Variants in MRC1 observed in about 807,000 individuals in gnomAD.
MRC1 encodes the protein mannose receptor C-type 1, also known as macrophage mannose receptor 1.
In MRC1, 62 loss-of-function variants were observed where a neutral mutation model predicts 102.9. That is an observed-to-expected ratio of 0.60 (90% CI 0.49 to 0.74). The LOEUF (loss-of-function observed/expected upper bound fraction) is 0.74. MRC1 is among the 30% of genes least tolerant of loss of function. The probability of loss-of-function intolerance (pLI) is 0.00; values close to 1 mark genes in which losing one functional copy is unlikely to be tolerated. For synonymous variants in MRC1, 457 were observed against 298.4 expected (o/e 1.53, Z -5.48); for missense variants, 1,237 against 862.8 (o/e 1.43, Z -5.43).
At chr10:17,830,654 G>C (rs4748422) in intron 3 of MRC1, among the ~76,000 whole-genome samples, 12,088 of 151,242 alleles carry the variant, frequency 0.08, 665 homozygotes, top group Non-Finnish European at 0.11. Context: ...TTAGCTTCCA[G>C]CATCAGTTGT....
chr10:17,853,571 T>A (rs1301500591), intron 8 of MRC1, among the ~76,000 whole-genome samples: 1 of 122,812 alleles, frequency 8.1e-6, no homozygotes, highest in African/African-American at 3.5e-5. Flanking sequence ...GATATATATG[T>A]ATGTGTGTGT....
At chr10:17,898,415 C>G (rs1414908184) in intron 24 of MRC1, 149 bp downstream of exon 24, 1 of 729,046 alleles carries the variant, frequency 1.4e-6, no homozygotes, top group Non-Finnish European at 2.6e-6. Flanking sequence ...AAGATCCAAT[C>G]TTTCAGGGAC....
intron 3 of MRC1, among the ~76,000 whole-genome samples, chr10:17,830,958 G>A (rs1360797728): frequency 2.7e-5 from 4 of 150,398 alleles, no homozygotes; most frequent in South Asian, 2.1e-4. Flanking sequence ...GCATGATCTC[G>A]GCTCACTGCA....
chr10:17,894,613 G>T (rs1314468668), intron 23 of MRC1, among the ~76,000 whole-genome samples: 2 of 151,828 alleles, frequency 1.3e-5, no homozygotes, highest in African/African-American at 4.8e-5. Context: ...TGCCCAGGCT[G>T]GTCTTGAACT....
intron 1 of MRC1, among the ~76,000 whole-genome samples, chr10:17,811,689 A>G (rs553673834): frequency 1.3e-5 from 2 of 151,790 alleles, no homozygotes; most frequent in Admixed American, 6.6e-5. Flanking sequence ...CCCACTCCCA[A>G]CTCCCCAGTA....
intron 4 of MRC1, among the ~76,000 whole-genome samples, chr10:17,835,363 C>G (rs1838647078): frequency 6.6e-6 from 1 of 152,132 alleles, no homozygotes. Flanking sequence ...ATATCTTGTA[C>G]CCATGTGCCA....
At chr10:17,844,500 G>A (rs569502371) in intron 5 of MRC1, among the ~76,000 whole-genome samples, 1 of 152,268 alleles carries the variant, frequency 6.6e-6, no homozygotes, top group African/African-American at 2.4e-5. Context: ...GATTACAGGC[G>A]TGAGCCACCG....
rs985621324 is a variant in MRC1, at chr10:17,832,177, T to C, written c.638-1498T>C. ...TCTTATGCTTCCAGAAAGACCAAAC[T>C]AGAATGTGCAGGCAAAGGCAAAATA... On this transcript the variant is annotated intron_variant, in intron 3 of 29. Transcript: ENST00000569591. 9.2e-5 allele frequency among the ~76,000 whole-genome samples: 14 copies of C among 151,646 alleles called. 1 individual carries two copies. Among genetic ancestry groups the C allele is most frequent in the African/African-American group, 3.4e-4 (14 of 40,926 alleles).
intron 18 of MRC1, among the ~76,000 whole-genome samples, chr10:17,878,487 A>G (rs1833467790): frequency 6.6e-6 from 1 of 152,176 alleles, no homozygotes. Flanking sequence ...CTGTAGGGAC[A>G]TGAGAAAATG....
intron 1 of MRC1, among the ~76,000 whole-genome samples, chr10:17,812,309 A>G (rs2130568092): frequency 6.6e-6 from 1 of 152,252 alleles, no homozygotes; most frequent in Non-Finnish European, 1.5e-5. Flanking sequence ...TAGATGCACC[A>G]TGAGAGCCGG....
intron 3 of MRC1, among the ~76,000 whole-genome samples, chr10:17,832,362 C>G: frequency 6.6e-6 from 1 of 150,776 alleles, no homozygotes; most frequent in South Asian, 2.1e-4. Flanking sequence ...CGAGACCATC[C>G]TGGCTAACAC....
intron 6 of MRC1, among the ~76,000 whole-genome samples, chr10:17,848,996 T>C (rs935344748): frequency 6.6e-6 from 1 of 152,194 alleles, no homozygotes; most frequent in Non-Finnish European, 1.5e-5. Flanking sequence ...TCAAATCTTT[T>C]AGGGGATGTG....
chr10:17,822,964 G>A (rs1838417942), intron 1 of MRC1, 110 bp from the exon 2 acceptor site: 6 of 712,738 alleles, frequency 8.4e-6, no homozygotes, highest in Non-Finnish European at 1.6e-5. Context: ...AAGTCTTTAG[G>A]GAAATGGAAG....
chr10:17,809,671 C>T, intron 1 of MRC1, 145 bp downstream of exon 1: 1 of 746,326 alleles, frequency 1.3e-6, no homozygotes, highest in South Asian at 1.5e-5. Context: ...CACGGCTAAG[C>T]CTGCTGCCTT....
At position 17,881,193 on chromosome 10, in the gene MRC1, A is replaced by AT. The variant is rs1258455386; in HGVS notation, c.2980+16dup. Reference sequence around the variant, plus strand: ...TGAAAAAGAGCAAGGTAGGCAGGCCATTTTGCAATTAGTTGTGTGTTTAAA... The same window carrying AT: ...TGAAAAAGAGCAAGGTAGGCAGGCCATTTTTGCAATTAGTTGTGTGTTTAAA... On this transcript the variant is annotated intron_variant, in intron 21 of 29. Transcript: ENST00000569591. 1.3e-6 allele frequency: 1 copy of AT among 779,392 alleles called. No individual in the cohort carries two copies. Among genetic ancestry groups the AT allele is most frequent in the Non-Finnish European group, 2.4e-6 (1 of 417,660 alleles). 48.3% of individuals were successfully genotyped at this position (779,392 alleles called of 1,614,324 possible). A position where few individuals can be genotyped will look rare whatever the true frequency, so the allele number is the denominator to read the frequency against.
chr10:17,886,771 G>C (rs1243457772), intron 22 of MRC1, among the ~76,000 whole-genome samples: 1 of 152,152 alleles, frequency 6.6e-6, no homozygotes. Flanking sequence ...GAAAGGCCAT[G>C]TTAGATGGTC....
chr10:17,873,709 A>G, intron 15 of MRC1, 75 bp from the exon 16 acceptor site: 7 of 839,560 alleles, frequency 8.3e-6, no homozygotes, highest in Non-Finnish European at 1.5e-5. Flanking sequence ...ACTCATGAAA[A>G]TAGTGACAAT....
In MRC1 at chr10:17,898,044, G is replaced by T. The variant is rs1396307845; in HGVS notation, c.3261G>T (p.Leu1087Phe). 3.8e-6 allele frequency: 3 copies of T among 780,626 alleles called. No homozygotes were observed. The highest frequency in any genetic ancestry group is 3.4e-5 in the African/African-American group (2 of 59,092). The allele number at this position is 780,626 out of a possible 1,614,324, so 48.4% of individuals were successfully genotyped here. A position where few individuals can be genotyped will look rare whatever the true frequency, so the allele number is the denominator to read the frequency against. Reference protein sequence around the residue: ...YICQTRSDPSLTNPPATIQTD... With the variant: ...YICQTRSDPSFTNPPATIQTD... ...AATGTTTTTATCTAGACCCTTCCTT[G>T]ACTAATCCTCCAGCAACGATTCAAA... Residue 1087 changes from leucine to phenylalanine, a missense_variant, in exon 24 of 30, where the codon TTG becomes TTT. Leu to Phe is a conservative substitution (Grantham distance 22, BLOSUM62 0). Coordinates refer to ENST00000569591, the MANE Select transcript of MRC1 (RefSeq NM_002438.4).
chr10:17,898,673 C>T (rs1434297770), intron 24 of MRC1, among the ~76,000 whole-genome samples: 1 of 152,188 alleles, frequency 6.6e-6, no homozygotes, highest in Admixed American at 6.5e-5. Flanking sequence ...GCAAGACGTT[C>T]TAGACTTGTT....
Sources: allele counts gnomAD v4.1 joint callset (sites outside exome capture counted in the v4.1 genomes callset), GRCh38; gene constraint gnomAD v4.1.1; transcripts MANE v1.5; gene names NCBI Gene and HGNC (gene_info 2026-07-23, HGNC 2026-07-21).